The following CLSTN2 variants were observed in gnomAD, a reference collection of about 807,000 sequenced individuals.
CLSTN2 encodes the protein calsyntenin-2.
A neutral mutation model predicts 101.2 loss-of-function variants in CLSTN2; 48 were observed. That is an observed-to-expected ratio of 0.47 (90% CI 0.38 to 0.60). The LOEUF is 0.60. Among genes scored for constraint, CLSTN2 ranks in the 20% least tolerant of loss-of-function variants. CLSTN2 has a pLI of 0.00. For synonymous variants in CLSTN2, 481 were observed against 463.6 expected, an observed-to-expected ratio of 1.04 and a Z score of -0.48; for missense variants, 1,160 against 1,238.2, an observed-to-expected ratio of 0.94 and a Z score of 0.95.
rs138958901 is a variant in CLSTN2, at chr3:140,188,388, T to A, written c.232+12315T>A. ...TTGATTTGAATTGAAAAGGACTGAG[T>A]GGCTTACAACCTACCACTAAGAAGC... On this transcript the variant is annotated intron_variant, in intron 2 of 16. Transcript: ENST00000458420. Among the ~76,000 whole-genome samples the A allele has an allele frequency of 1.9e-3, 291 of 152,284 alleles. 1 individual carries two copies. The highest frequency in any genetic ancestry group is 6.7e-3 in the African/African-American group (277 of 41,562).
At chr3:140,345,204 G>T (rs1466423625) in intron 2 of CLSTN2, among the ~76,000 whole-genome samples, 1 of 151,334 alleles carries the variant, frequency 6.6e-6, no homozygotes, top group Non-Finnish European at 1.5e-5. Context: ...AGTTTTGGGG[G>T]ATCCAAGATC....
At chr3:140,259,379 C>T (rs1305319954) in intron 2 of CLSTN2, among the ~76,000 whole-genome samples, 1 of 152,038 alleles carries the variant, frequency 6.6e-6, no homozygotes, top group Non-Finnish European at 1.5e-5. Flanking sequence ...GAGGCTAAGG[C>T]AGGAGAATCA....
chr3:140,418,753 T>C (rs980340226), intron 4 of CLSTN2, among the ~76,000 whole-genome samples: 2 of 152,072 alleles, frequency 1.3e-5, no homozygotes, highest in African/African-American at 4.8e-5. Context: ...CCCGACTTTG[T>C]TATCTGCCCA....
In CLSTN2 at chr3:140,300,208, G is replaced by T. The variant is rs146162770; in HGVS notation, c.233-103421G>T. ...CTCAAGGGATTTTATGCATAATAAT[G>T]CATAAGAATCAAGTTCCTGATGCAG... On this transcript the variant is annotated intron_variant, in intron 2 of 16. Transcript: ENST00000458420. Among the ~76,000 whole-genome samples the T allele has an allele frequency of 2.4e-3, 364 of 152,326 alleles. 1 individual carries two copies. Among genetic ancestry groups the T allele is most frequent in the African/African-American group, 8.1e-3 (336 of 41,570 alleles).
At chr3:140,107,210 C>G (rs969286993) in intron 1 of CLSTN2, among the ~76,000 whole-genome samples, 4 of 152,318 alleles carry the variant, frequency 2.6e-5, no homozygotes, top group Non-Finnish European at 5.9e-5. Context: ...GCCTCCACAT[C>G]CTGTCCTGGC....
chr3:140,204,962 T>C (rs1422719220), intron 2 of CLSTN2, among the ~76,000 whole-genome samples: 4 of 152,110 alleles, frequency 2.6e-5, no homozygotes, highest in Non-Finnish European at 5.9e-5. Flanking sequence ...TTGCTAATGA[T>C]TCTTGAGGGG....
intron 5 of CLSTN2, among the ~76,000 whole-genome samples, chr3:140,427,988 A>C (rs1048958880): frequency 2.0e-5 from 3 of 152,128 alleles, no homozygotes; most frequent in Middle Eastern, 6.3e-3. Context: ...GGACCACAGC[A>C]CTGCAGAGGA....
At chr3:140,243,834 C>T (rs2086491402) in intron 2 of CLSTN2, among the ~76,000 whole-genome samples, 1 of 152,172 alleles carries the variant, frequency 6.6e-6, no homozygotes, top group African/African-American at 2.4e-5. Context: ...CTAAGAAGCA[C>T]ATGCTTAGAG....
intron 1 of CLSTN2, among the ~76,000 whole-genome samples, chr3:140,041,555 C>A (rs1560077057): frequency 6.6e-6 from 1 of 152,176 alleles, no homozygotes; most frequent in Admixed American, 6.5e-5. Context: ...TCCATGCCCC[C>A]ACCTGTCATT....
intron 1 of CLSTN2, among the ~76,000 whole-genome samples, chr3:139,964,394 G>T (rs929605673): frequency 3.9e-5 from 6 of 152,302 alleles, no homozygotes; most frequent in Non-Finnish European, 8.8e-5. Flanking sequence ...AGGTGTGACA[G>T]GTGAAGAGCC....
At chr3:140,154,713 C>T (rs946866653) in intron 1 of CLSTN2, among the ~76,000 whole-genome samples, 18 of 138,600 alleles carry the variant, frequency 1.3e-4, no homozygotes, top group South Asian at 1.2e-3. Context: ...GGCCCGATCT[C>T]GGCTCACTAC....
chr3:140,439,726 C>T (rs574139186), intron 5 of CLSTN2, among the ~76,000 whole-genome samples: 1 of 145,890 alleles, frequency 6.9e-6, no homozygotes, highest in Admixed American at 7.1e-5. Context: ...CACATGCAAA[C>T]ACACACACGT....
chr3:140,010,049 C>A (rs2107750826), intron 1 of CLSTN2, among the ~76,000 whole-genome samples: 1 of 152,296 alleles, frequency 6.6e-6, no homozygotes, highest in African/African-American at 2.4e-5. Context: ...CACAGTCATC[C>A]ATAACACCTA....
chr3:140,131,041 TGAA>T (rs1202873483), intron 1 of CLSTN2, among the ~76,000 whole-genome samples: 3 of 152,132 alleles, frequency 2.0e-5, no homozygotes, highest in African/African-American at 7.2e-5. Flanking sequence ...GTTTAAAGAT[TGAA>T]GATGATCCTT....
In CLSTN2 at chr3:140,286,151, C is replaced by T. The variant is rs148352934; in HGVS notation, c.232+110078C>T. Reference sequence around the variant, plus strand: ...AGCAGCTGTGGTCCACAACTGCCCCCGGTAAAGGAAGCAACCTCTCTGTCC... The same window carrying T: ...AGCAGCTGTGGTCCACAACTGCCCCTGGTAAAGGAAGCAACCTCTCTGTCC... On this transcript the variant is annotated intron_variant, in intron 2 of 16. Coordinates refer to ENST00000458420, the MANE Select transcript of CLSTN2 (RefSeq NM_022131.3). 5.3e-3 allele frequency among the ~76,000 whole-genome samples: 800 copies of T among 152,222 alleles called. 6 individuals carry two copies. Among genetic ancestry groups the T allele is most frequent in the Non-Finnish European group, 7.9e-3 (536 of 68,008 alleles).
chr3:140,085,675 T>G (rs1429939263), intron 1 of CLSTN2, among the ~76,000 whole-genome samples: 3 of 152,170 alleles, frequency 2.0e-5, no homozygotes, highest in Admixed American at 6.5e-5. Context: ...CATCCTGGCC[T>G]GCTCTACCTC....
At chr3:140,040,975 G>C (rs1486188336) in intron 1 of CLSTN2, among the ~76,000 whole-genome samples, 1 of 152,118 alleles carries the variant, frequency 6.6e-6, no homozygotes, top group Non-Finnish European at 1.5e-5. Context: ...CGATGGCAGT[G>C]ATAAATGAAG....
chr3:140,545,618 G>A (rs1262253534), intron 9 of CLSTN2, among the ~76,000 whole-genome samples: 6 of 152,214 alleles, frequency 3.9e-5, no homozygotes, highest in Admixed American at 3.9e-4. Context: ...TAAAATCAGT[G>A]AGGAAGGTCT....
At chr3:139,958,934 C>G (rs775251382) in intron 1 of CLSTN2, among the ~76,000 whole-genome samples, 3 of 150,298 alleles carry the variant, frequency 2.0e-5, no homozygotes, top group Non-Finnish European at 3.0e-5. Context: ...CTATTTCTAC[C>G]CTTCTGTTAC....
Sources: allele counts gnomAD v4.1 joint callset (sites outside exome capture counted in the v4.1 genomes callset), GRCh38; gene constraint gnomAD v4.1.1; transcripts MANE v1.5; gene names NCBI Gene and HGNC (gene_info 2026-07-23, HGNC 2026-07-21).